The following SLC41A3 variants were observed in gnomAD, a reference collection of about 807,000 sequenced individuals.
SLC41A3 encodes solute carrier family 41 member 3, also known as SLC41A1-like 2.
SLC41A3 carries 44 observed loss-of-function variants against 45.4 expected under a neutral mutation model. The observed-to-expected ratio is 0.97, with a 90% CI of 0.76 to 1.25. The LOEUF (loss-of-function observed/expected upper bound fraction) is 1.25, where lower values mean the gene tolerates loss of function less well. Ranked by LOEUF, SLC41A3 falls within the 50% of genes most tolerant of loss-of-function variation. The probability of loss-of-function intolerance (pLI) is 0.00; values close to 1 mark genes in which losing one functional copy is unlikely to be tolerated. For synonymous variants in SLC41A3, 256 were observed against 252.4 expected (o/e 1.01, Z -0.13); for missense variants, 550 against 600.6 (o/e 0.92, Z 0.88).
intron 6 of SLC41A3, among the ~76,000 whole-genome samples, chr3:126,018,109 C>T (rs1940490182): frequency 6.6e-6 from 1 of 152,210 alleles, no homozygotes; most frequent in Non-Finnish European, 1.5e-5. Flanking sequence ...CAGCTGCTCA[C>T]ACCTCAGCGG....
intron 1 of SLC41A3, among the ~76,000 whole-genome samples, chr3:126,096,200 A>G (rs1945596764): frequency 6.6e-6 from 1 of 152,244 alleles, no homozygotes. Context: ...ATTAAAATGG[A>G]TAAAAACACT....
chr3:126,008,872 A>C lies in SLC41A3; in HGVS notation c.1114T>G (p.Ser372Ala). ...AAGAGCAGGACTCGAGCTGACATGG[A>C]ATTGATTTCTGAAAGAAACAGAACC... ...CSTFCTSEIN[S>A]MSARVLLLLV... The change falls in exon 10 of 11, where the codon TCC (serine) becomes GCC (alanine). Residue 372 changes from serine to alanine, a missense_variant. Ser to Ala is a moderately conservative substitution (Grantham distance 99, BLOSUM62 1). Transcript: ENST00000360370. 6.2e-7 allele frequency: 1 copy of C among 1,614,002 alleles called. No individual in the cohort carries two copies. Among genetic ancestry groups the C allele is most frequent in the Non-Finnish European group, 8.5e-7 (1 of 1,179,870 alleles).
chr3:126,014,819 AC>A (rs1940109158), intron 8 of SLC41A3, among the ~76,000 whole-genome samples: 1 of 152,208 alleles, frequency 6.6e-6, no homozygotes, highest in Admixed American at 6.5e-5. Context: ...ATTTACAGAA[AC>A]TTATCAGACA....
intron 2 of SLC41A3, among the ~76,000 whole-genome samples, chr3:126,053,316 C>T (rs1943460246): frequency 6.6e-6 from 1 of 152,198 alleles, no homozygotes; most frequent in Non-Finnish European, 1.5e-5. Flanking sequence ...GACACAGGGC[C>T]ATCTGCAAAG....
At chr3:126,013,780 C>T (rs1017626854) in intron 8 of SLC41A3, among the ~76,000 whole-genome samples, 3 of 152,158 alleles carry the variant, frequency 2.0e-5, no homozygotes, top group African/African-American at 7.2e-5. Flanking sequence ...CAAACTCCCA[C>T]ATTCATAGAT....
intron 2 of SLC41A3, among the ~76,000 whole-genome samples, chr3:126,055,358 C>CA (rs1305937636): frequency 6.6e-5 from 10 of 151,752 alleles, no homozygotes; most frequent in Non-Finnish European, 1.0e-4. Flanking sequence ...ACTAAAAATA[C>CA]AAAAAAATTA....
chr3:126,064,838 C>T (rs1944269192), intron 2 of SLC41A3, among the ~76,000 whole-genome samples: 1 of 152,216 alleles, frequency 6.6e-6, no homozygotes, highest in Non-Finnish European at 1.5e-5. Context: ...GCCATTCCTG[C>T]CTGCTCCACG....
chr3:126,008,452 GGAGT>G (rs1388858870), intron 10 of SLC41A3, among the ~76,000 whole-genome samples: 4 of 151,766 alleles, frequency 2.6e-5, no homozygotes, highest in Admixed American at 1.3e-4. Flanking sequence ...TGTGTGGTGT[GGAGT>G]GTGTGGGGTA....
chr3:126,023,177 T>G, intron 5 of SLC41A3: 1 of 522,390 alleles, frequency 1.9e-6, no homozygotes, highest in Non-Finnish European at 3.4e-6. Flanking sequence ...CTTTGTGACC[T>G]GTGCACATGA....
intron 3 of SLC41A3, among the ~76,000 whole-genome samples, chr3:126,050,584 C>T (rs1943261761): frequency 6.6e-6 from 1 of 152,178 alleles, no homozygotes; most frequent in Non-Finnish European, 1.5e-5. Flanking sequence ...ATCAGGTCTG[C>T]ATTGCTTGTC....
At chr3:126,052,786 C>T (rs1486065482) in intron 2 of SLC41A3, among the ~76,000 whole-genome samples, 1 of 152,162 alleles carries the variant, frequency 6.6e-6, no homozygotes. Context: ...TTCCTCCTGA[C>T]CATGTTAATA....
chr3:126,074,987 T>C (rs563777009), intron 1 of SLC41A3, among the ~76,000 whole-genome samples: 1 of 152,228 alleles, frequency 6.6e-6, no homozygotes, highest in East Asian at 1.9e-4. Context: ...TAGTATTTTA[T>C]TTTTTGTAGA....
Position 126,026,245 on chromosome 3 carries a change from C to A in SLC41A3, c.598+90G>T. ...AGTCCCATTAGCAGTGGGACTCACA[C>A]CCCCAGAAACTGAAAACACAATGAG... On this transcript the variant is annotated intron_variant, in intron 5 of 10. Coordinates refer to ENST00000360370, the MANE Select transcript of SLC41A3 (RefSeq NM_017836.4). The surrounding 1 kb of genome is among the most constrained non-coding windows in gnomAD (Gnocchi z 4.2). 3 of 1,502,044 alleles carry A rather than the reference C, an allele frequency of 2.0e-6. No individual in the cohort carries two copies. Among genetic ancestry groups the A allele is most frequent in the Non-Finnish European group, 2.7e-6 (3 of 1,118,140 alleles). 93.0% of individuals were successfully genotyped at this position (1,502,044 alleles called of 1,614,324 possible).
In SLC41A3 at chr3:126,012,723, G is replaced by A; in HGVS notation, c.997C>T (p.Gln333Ter). The stretch of plus-strand genomic sequence containing the variant: ...AGGTAGGTTGAGATTCGGCTGGTCT[G>A]AATGGCCACCAGATTGCCACCAACA... ...CGVGGNLVAI[Q>*]TSRISTYLHM... The change falls in exon 9 of 11, where the codon CAG (glutamine) becomes TAG (stop). Residue 333 changes from glutamine (Q) to a stop codon, truncating the protein, a stop_gained. Transcript: ENST00000360370. LOFTEE classifies it high-confidence loss of function. 1.2e-6 allele frequency: 2 copies of A among 1,614,240 alleles called. No individual in the cohort carries two copies. The highest frequency in any genetic ancestry group is 2.2e-5 in the South Asian group (2 of 91,084).
At chr3:126,007,284 G>C in intron 10 of SLC41A3, 59 bp from the exon 11 acceptor site, 1 of 1,561,530 alleles carries the variant, frequency 6.4e-7, no homozygotes, top group Non-Finnish European at 8.7e-7. Context: ...AGTACAGGCA[G>C]GAAGCACTAG....
intron 1 of SLC41A3, among the ~76,000 whole-genome samples, chr3:126,098,645 T>TG (rs781690591): frequency 3.9e-5 from 6 of 152,242 alleles, no homozygotes; most frequent in Non-Finnish European, 8.8e-5. Flanking sequence ...GAGCTTGACA[T>TG]GGGCATCCAG....
At chr3:126,057,167 G>A (rs1177138224) in intron 2 of SLC41A3, 2 of 985,300 alleles carry the variant, frequency 2.0e-6, no homozygotes, top group East Asian at 1.1e-4. Flanking sequence ...GGGTCCCCAA[G>A]CAGGAAGCCA....
At position 126,012,700 on chromosome 3, in the gene SLC41A3, G is replaced by A. The variant is rs1939845466; in HGVS notation, c.1020C>T (p.Tyr340=). The A allele has an allele frequency of 6.2e-7, 1 of 1,614,228 alleles. No individual in the cohort carries two copies. Among genetic ancestry groups the A allele is most frequent in the Admixed American group, 1.7e-5 (1 of 60,024 alleles). ...CGCCAGGTGCACTCCACATGTGCAG[G>A]TAGGTTGAGATTCGGCTGGTCTGAA... is the stretch of plus-strand genomic sequence containing the variant. ...VAIQTSRIST[Y]LHMWSAPGVL... Residue 340 remains tyrosine (Y), a synonymous_variant, in exon 9 of 11, where the codon TAC becomes TAT. Coordinates refer to ENST00000360370, the MANE Select transcript of SLC41A3 (RefSeq NM_017836.4).
intron 1 of SLC41A3, chr3:126,095,287 CCT>C (rs753597725): frequency 7.4e-6 from 5 of 672,980 alleles, no homozygotes; most frequent in Non-Finnish European, 1.3e-5. Context: ...CCAAGGACCC[CCT>C]GTTGCAGCCG....
Sources: gnomAD v4.1 joint callset for allele counts (sites outside exome capture counted in the v4.1 genomes callset) on GRCh38, gnomAD v4.1.1 for gene constraint, Gnocchi (gnomAD v3.1) non-coding constraint, MANE v1.5 for transcripts, NCBI Gene and HGNC (gene_info 2026-07-23, HGNC 2026-07-21) for gene names.